ESRRA: variants seen among roughly 807,000 people sequenced by gnomAD.
ESRRA encodes the protein estrogen related receptor alpha.
A neutral mutation model predicts 35.6 loss-of-function variants in ESRRA; 7 were observed. The ratio of observed to expected loss-of-function variants is 0.20; its 90% CI spans 0.11 to 0.37. The LOEUF (loss-of-function observed/expected upper bound fraction) is 0.37, where lower values mean the gene tolerates loss of function less well. ESRRA is among the 10% of genes least tolerant of loss of function. ESRRA has a pLI of 1.00. For synonymous variants in ESRRA, 223 were observed against 246.9 expected, an observed-to-expected ratio of 0.90 and a Z score of 0.91; for missense variants, 378 against 561.7, an observed-to-expected ratio of 0.67 and a Z score of 3.31.
At position 64,307,208 on chromosome 11, in the gene ESRRA, C is replaced by T; in HGVS notation, c.29C>T (p.Pro10Leu). 1.3e-6 allele frequency: 2 copies of T among 1,599,690 alleles called. No homozygotes were observed. Among genetic ancestry groups the T allele is most frequent in the Non-Finnish European group, 1.7e-6 (2 of 1,170,492 alleles). MSSQVVGIE[P>L]LYIKAEPASP... ...TCCAGCCAGGTGGTGGGCATTGAGC[C>T]TCTCTACATCAAGGCAGAGCCGGCC... The change falls in exon 2 of 7, where the codon CCT (proline) becomes CTT (leucine). Residue 10 changes from proline (P) to leucine (L), a missense_variant. By Grantham distance (98) the Pro-to-Leu change is moderately conservative (BLOSUM62 -3). This residue lies in a region of ESRRA where 87 missense variants were observed against 92.6 expected (regional missense o/e 0.94). Transcript: ENST00000000442.
intron 2 of ESRRA, among the ~76,000 whole-genome samples, chr11:64,310,225 A>C (rs556637161): frequency 1.3e-5 from 2 of 149,908 alleles, no homozygotes; most frequent in African/African-American, 4.9e-5. Flanking sequence ...ACTGATTGTG[A>C]CATTCCAGCA....
At chr11:64,312,242 C>A (rs1167618414) in intron 2 of ESRRA, among the ~76,000 whole-genome samples, 1 of 151,960 alleles carries the variant, frequency 6.6e-6, no homozygotes, top group East Asian at 1.9e-4. Context: ...CGGGTTCAAG[C>A]GATTCTCCTG....
intron 6 of ESRRA, 59 bp from the exon 7 acceptor site, chr11:64,315,648 C>T (rs894567001): frequency 3.7e-5 from 59 of 1,593,236 alleles, no homozygotes; most frequent in Non-Finnish European, 4.8e-5. Flanking sequence ...GCTCAAGATA[C>T]GGGGAGTGCC....
At position 64,313,913 on chromosome 11, in the gene ESRRA, C is replaced by A. The variant is rs375054544; in HGVS notation, c.326-38C>A. The A allele has an allele frequency of 2.1e-6, 3 of 1,452,188 alleles. 1 individual carries two copies. In the South Asian group the frequency reaches 3.8e-5, roughly 19 times the overall value. 90.0% of individuals were successfully genotyped at this position (1,452,188 alleles called of 1,614,324 possible). A position where few individuals can be genotyped will look rare whatever the true frequency, so the allele number is the denominator to read the frequency against. On this transcript the variant is annotated intron_variant, in intron 2 of 6. Transcript: ENST00000000442. The surrounding 1 kb of genome is among the most constrained non-coding windows in gnomAD (Gnocchi z 4.0). ...TGTCAGCTGGGTCCCCTCCCAGCCC[C>A]GGGAGGCCGCCACTGGAGCCCTGCC... is the stretch of plus-strand genomic sequence containing the variant.
rs1250712844 is a variant in ESRRA at position 64,316,116 on chromosome 11, G to A, written c.*150G>A. The A allele has an allele frequency of 3.5e-5, 32 of 903,952 alleles. No homozygotes were observed. Among genetic ancestry groups the A allele is most frequent in the African/African-American group, 5.0e-5 (3 of 59,846 alleles). 56.0% of individuals were successfully genotyped at this position (903,952 alleles called of 1,614,324 possible). A position where few individuals can be genotyped will look rare whatever the true frequency, so the allele number is the denominator to read the frequency against. On this transcript the variant is annotated 3_prime_UTR_variant, in exon 7 of 7. Coordinates refer to ENST00000000442, the MANE Select transcript of ESRRA (RefSeq NM_004451.5). ...ATCAGCCCCTGGGAACAGGCCCCAC[G>A]CCCTCTCCTCCCCCTCCTAGGGGGT... is the stretch of plus-strand genomic sequence containing the variant.
intron 2 of ESRRA, among the ~76,000 whole-genome samples, 171 bp downstream of exon 2, chr11:64,307,675 G>A (rs1177645824): frequency 6.6e-6 from 1 of 152,194 alleles, no homozygotes; most frequent in Admixed American, 6.5e-5. Context: ...TAAAAGCACC[G>A]GGTGTGCTGA....
At chr11:64,307,027 T>C (rs2035046867) in intron 1 of ESRRA, 141 bp from the exon 2 acceptor site, 1 of 634,972 alleles carries the variant, frequency 1.6e-6, no homozygotes. Flanking sequence ...CAGTCCTTCC[T>C]TGGACTCTGC....
At position 64,315,825 on chromosome 11, in the gene ESRRA, G is replaced by A; in HGVS notation, c.1131G>A (p.Arg377=). 8.8e-7 allele frequency: 1 copy of A among 1,133,408 alleles called. No individual in the cohort carries two copies. The highest frequency in any genetic ancestry group is 1.1e-6 in the Non-Finnish European group (1 of 884,210). The allele number at this position is 1,133,408 out of a possible 1,614,324, so 70.2% of individuals were successfully genotyped here. A position where few individuals can be genotyped will look rare whatever the true frequency, so the allele number is the denominator to read the frequency against. ...CCGGAGGGGGTGCTGAGCGGCGGCG[G>A]GCGGGCAGGCTGCTGCTCACGCTAC... is the stretch of plus-strand genomic sequence containing the variant. ...AGPGGGAERR[R]AGRLLLTLPL... Residue 377 remains arginine (R), a synonymous_variant, in exon 7 of 7, where the codon CGG becomes CGA. Transcript: ENST00000000442.
chr11:64,314,013 G>C lies in ESRRA; in HGVS notation c.388G>C (p.Ala130Pro). 1.3e-6 allele frequency: 2 copies of C among 1,579,440 alleles called. No individual in the cohort carries two copies. Among genetic ancestry groups the C allele is most frequent in the Non-Finnish European group, 1.7e-6 (2 of 1,163,158 alleles). ...ECEITKRRRK[A>P]CQACRFTKCL... ...TGAGATCACCAAGCGGAGACGCAAG[G>C]CCTGCCAGGCCTGCCGCTTCACCAA... The change falls in exon 3 of 7, where the codon GCC becomes CCC. Residue 130 changes from alanine to proline, a missense_variant. Ala to Pro is a conservative substitution (Grantham distance 27, BLOSUM62 -1). Transcript: ENST00000000442.
intron 2 of ESRRA, among the ~76,000 whole-genome samples, chr11:64,311,982 C>CTTTTTTTTTTTT (rs544336819): frequency 0.84 from 56,977 of 67,468 alleles, 25,737 homozygotes; most frequent in Non-Finnish European, 0.91. Context: ...TGCGCCTGGC[C>CTTTTTTTTTTTT]TTTTTTTTTT....
rs41294390 is a variant in ESRRA, at chr11:64,307,714, G to C, written c.325+210G>C. The stretch of plus-strand genomic sequence containing the variant: ...ATTGCAGTGGATGTGAGTGAGTTCA[G>C]GGTACCACCTGGGTACTCTAGGCCC... On this transcript the variant is annotated intron_variant, in intron 2 of 6. Coordinates refer to ENST00000000442, the MANE Select transcript of ESRRA (RefSeq NM_004451.5). Among the ~76,000 whole-genome samples, 325 of 152,336 alleles carry C rather than the reference G, an allele frequency of 2.1e-3. 5 individuals are homozygous for C. Among genetic ancestry groups the C allele is most frequent in the East Asian group, 0.016 (82 of 5,184 alleles).
chr11:64,314,168 C>G, intron 3 of ESRRA, 71 bp from the exon 4 acceptor site: 1 of 1,564,728 alleles, frequency 6.4e-7, no homozygotes, highest in Non-Finnish European at 8.7e-7. Context: ...TCGGGGAGGA[C>G]AGCTCTGGAG....
chr11:64,314,713 C>A, intron 4 of ESRRA, 28 bp from the exon 5 acceptor site: 1 of 1,599,324 alleles, frequency 6.3e-7, no homozygotes, highest in South Asian at 1.1e-5. Context: ...TTCGAGTGCT[C>A]CTGACTCTTG....
intron 3 of ESRRA, 69 bp downstream of exon 3, chr11:64,314,136 C>T: frequency 1.3e-6 from 2 of 1,551,856 alleles, no homozygotes; most frequent in Non-Finnish European, 1.7e-6. Context: ...GGGGTGAGGC[C>T]TGGGAGTTCT....
chr11:64,311,454 T>G, intron 2 of ESRRA, among the ~76,000 whole-genome samples: 1 of 151,038 alleles, frequency 6.6e-6, no homozygotes. Flanking sequence ...CTCGCTTTGT[T>G]GCCCAGGCTA....
In ESRRA at chr11:64,315,210, G is replaced by A. The variant is rs764891536; in HGVS notation, c.952G>A (p.Ala318Thr). The A allele has an allele frequency of 1.2e-6, 2 of 1,610,674 alleles. No individual in the cohort carries two copies. Among genetic ancestry groups the A allele is most frequent in the Non-Finnish European group, 1.7e-6 (2 of 1,177,982 alleles). ...GCTGCAACTAGTGCGGCGGCTGCAG[G>A]CCCTGCGGCTGGAGCGAGAGGAGTA... ...ALLQLVRRLQ[A>T]LRLEREEYVL... Residue 318 changes from alanine to threonine, a missense_variant, in exon 6 of 7, where the codon GCC becomes ACC. Physicochemically the swap from Ala to Thr is moderately conservative, Grantham distance 58 (BLOSUM62 0). This residue lies in a region of ESRRA where 284 missense variants were observed against 411.7 expected (regional missense o/e 0.69). Coordinates refer to ENST00000000442, the MANE Select transcript of ESRRA (RefSeq NM_004451.5).
Position 64,314,720 on chromosome 11 carries a change from CTT to C in ESRRA, c.572-20_572-19del. The C allele has an allele frequency of 6.2e-7, 1 of 1,604,886 alleles. No homozygotes were observed. Among genetic ancestry groups the C allele is most frequent in the Non-Finnish European group, 8.5e-7 (1 of 1,175,662 alleles). On this transcript the variant is annotated intron_variant, in intron 4 of 6. Transcript: ENST00000000442. The stretch of plus-strand genomic sequence containing the variant: ...CTGACAGATTCGAGTGCTCCTGACT[CTT>C]GTCCTCTAATTGTCACAGCAGCCCC...
At chr11:64,307,042 C>T in intron 1 of ESRRA, 126 bp from the exon 2 acceptor site, 1 of 714,864 alleles carries the variant, frequency 1.4e-6, no homozygotes, top group Non-Finnish European at 2.3e-6. Flanking sequence ...CTCTGCCCCC[C>T]TTCTTCCCCA....
At position 64,307,440 on chromosome 11, in the gene ESRRA, C is replaced by T. The variant is rs763774214; in HGVS notation, c.261C>T (p.Ser87=). The T allele has an allele frequency of 1.0e-5, 16 of 1,554,576 alleles. No individual in the cohort carries two copies. Among genetic ancestry groups the T allele is most frequent in the African/African-American group, 8.2e-5 (6 of 73,276 alleles). ...RLCLVCGDVA[S]GYHYGVASCE... The stretch of plus-strand genomic sequence containing the variant: ...GCCTGGTCTGTGGGGACGTGGCCTC[C>T]GGCTACCACTATGGTGTGGCATCCT... The change falls in exon 2 of 7, where the codon TCC becomes TCT. Residue 87 remains serine (S), a synonymous_variant. Coordinates refer to ENST00000000442, the MANE Select transcript of ESRRA (RefSeq NM_004451.5).
Sources: allele counts gnomAD v4.1 joint callset (sites outside exome capture counted in the v4.1 genomes callset), GRCh38; gene constraint gnomAD v4.1.1; regional missense constraint gnomAD v4.1.1; non-coding constraint Gnocchi (gnomAD v3.1); transcripts MANE v1.5; gene names NCBI Gene and HGNC (gene_info 2026-07-23, HGNC 2026-07-21).